The following LRRC8B variants were observed in gnomAD, a reference collection of about 807,000 sequenced individuals.
The protein encoded by LRRC8B is leucine rich repeat containing 8 VRAC subunit B.
A neutral mutation model predicts 58.8 loss-of-function variants in LRRC8B; 23 were observed. That is an observed-to-expected ratio of 0.39 (90% CI 0.28 to 0.55). The LOEUF (loss-of-function observed/expected upper bound fraction) is 0.55. LRRC8B is among the 20% of genes least tolerant of loss of function. The probability of loss-of-function intolerance (pLI) is 0.62; values close to 1 mark genes in which losing one functional copy is unlikely to be tolerated. For synonymous variants in LRRC8B, 359 were observed against 374.1 expected, an observed-to-expected ratio of 0.96 and a Z score of 0.47; for missense variants, 694 against 936.0, an observed-to-expected ratio of 0.74 and a Z score of 3.37.
chr1:89,584,914 A>G, intron 5 of LRRC8B, 125 bp downstream of exon 5: 1 of 643,114 alleles, frequency 1.6e-6, no homozygotes. Flanking sequence ...GATCTTGCAT[A>G]AATTACCAAA....
At chr1:89,565,799 C>T (rs1653001239) in intron 1 of LRRC8B, among the ~76,000 whole-genome samples, 1 of 152,168 alleles carries the variant, frequency 6.6e-6, no homozygotes, top group Non-Finnish European at 1.5e-5. Flanking sequence ...ACTCTGAGCT[C>T]TGGGCAGGCT....
intron 1 of LRRC8B, among the ~76,000 whole-genome samples, chr1:89,560,987 G>GT: frequency 6.7e-6 from 1 of 150,142 alleles, no homozygotes; most frequent in East Asian, 2.0e-4. Flanking sequence ...GGTTGAACTA[G>GT]TTTACAGTCC....
chr1:89,592,000 T>C (rs1274590458), intron 5 of LRRC8B, among the ~76,000 whole-genome samples: 1 of 152,208 alleles, frequency 6.6e-6, no homozygotes, highest in South Asian at 2.1e-4. Context: ...TCTGGAGGTC[T>C]TTCCTCAATA....
intron 5 of LRRC8B, among the ~76,000 whole-genome samples, chr1:89,590,538 C>T (rs1221100094): frequency 6.6e-6 from 1 of 152,220 alleles, no homozygotes; most frequent in Non-Finnish European, 1.5e-5. Flanking sequence ...CCCTGAGGCC[C>T]ACTCCCACTA....
At chr1:89,592,051 G>C (rs1655013445) in intron 5 of LRRC8B, among the ~76,000 whole-genome samples, 1 of 152,118 alleles carries the variant, frequency 6.6e-6, no homozygotes, top group African/African-American at 2.4e-5. Flanking sequence ...CTTAGAAATT[G>C]ACATGCAACC....
chr1:89,592,992 T>A lies in LRRC8B; in HGVS notation c.2361T>A (p.Thr787=), dbSNP rs377556402. The change falls in exon 6 of 6, where the codon ACT becomes ACA. Residue 787 remains threonine (T), a synonymous_variant. Transcript: ENST00000330947. Reference sequence around the variant, plus strand: ...TTGTTGAGGAGAACTTGCTCAATACTCTTCCTCTCCCTGTAACAGAACGTT... The same window carrying A: ...TTGTTGAGGAGAACTTGCTCAATACACTTCCTCTCCCTGTAACAGAACGTT... ...CLIVEENLLN[T]LPLPVTERLQ... is the part of the protein sequence containing the mutation. 1.9e-6 allele frequency: 3 copies of A among 1,613,914 alleles called. No individual in the cohort carries two copies. The highest frequency in any genetic ancestry group is 2.5e-6 in the Non-Finnish European group (3 of 1,179,902).
At position 89,524,984 on chromosome 1, in the gene LRRC8B, C is replaced by T. The variant is rs888695852; in HGVS notation, c.-279C>T. ...CCGCCCGGAGCGGCCCAGGAGCACG[C>T]CGCGGGGAGCGCGGGCGTCCGGGGC... On this transcript the variant is annotated 5_prime_UTR_variant, in exon 1 of 6. Transcript: ENST00000330947. The T allele has an allele frequency of 1.3e-5, 2 of 152,112 alleles. No homozygotes were observed. The highest frequency in any genetic ancestry group is 1.5e-5 in the Non-Finnish European group (1 of 68,022). The allele number at this position is 152,112 out of a possible 1,614,324, so 9.4% of individuals were successfully genotyped here.
At chr1:89,547,070 T>C (rs1407724951) in intron 1 of LRRC8B, among the ~76,000 whole-genome samples, 1 of 152,246 alleles carries the variant, frequency 6.6e-6, no homozygotes, top group Non-Finnish European at 1.5e-5. Context: ...TTTGTTGTTA[T>C]CTATGCTCTT....
intron 1 of LRRC8B, among the ~76,000 whole-genome samples, chr1:89,547,461 A>G (rs1019483499): frequency 2.0e-5 from 3 of 152,138 alleles, no homozygotes; most frequent in African/African-American, 7.2e-5. Flanking sequence ...CACTCTCTCA[A>G]CCTTTGTGTA....
At chr1:89,584,835 T>A (rs376549278) in intron 5 of LRRC8B, 46 bp downstream of exon 5, 1 of 1,317,968 alleles carries the variant, frequency 7.6e-7, no homozygotes, top group East Asian at 2.3e-5. Context: ...GCCGTACTTA[T>A]AGTGCATTAC....
chr1:89,544,759 A>G (rs1406302182), intron 1 of LRRC8B, among the ~76,000 whole-genome samples: 1 of 152,152 alleles, frequency 6.6e-6, no homozygotes, highest in African/African-American at 2.4e-5. Context: ...CCTCAATTAT[A>G]TTGACTTTAA....
chr1:89,543,531 T>C (rs1651176276), intron 1 of LRRC8B, among the ~76,000 whole-genome samples: 1 of 152,134 alleles, frequency 6.6e-6, no homozygotes, highest in Non-Finnish European at 1.5e-5. Flanking sequence ...AGTCTTGCTC[T>C]GTCACCTGGG....
intron 1 of LRRC8B, among the ~76,000 whole-genome samples, chr1:89,537,300 C>T (rs1245482831): frequency 6.6e-6 from 1 of 152,036 alleles, no homozygotes; most frequent in East Asian, 1.9e-4. Context: ...GAGTGTTTCT[C>T]CTGATTATTT....
chr1:89,531,869 T>G (rs552378649), intron 1 of LRRC8B, among the ~76,000 whole-genome samples: 2 of 152,322 alleles, frequency 1.3e-5, no homozygotes, highest in South Asian at 4.1e-4. Context: ...TGTGTGGTGG[T>G]CAGGTTCGCA....
chr1:89,565,958 C>T (rs1476662598), intron 1 of LRRC8B, among the ~76,000 whole-genome samples: 1 of 152,198 alleles, frequency 6.6e-6, no homozygotes, highest in East Asian at 1.9e-4. Flanking sequence ...AGGAAATAGA[C>T]TCATGATATT....
intron 5 of LRRC8B, among the ~76,000 whole-genome samples, chr1:89,587,101 T>C (rs1216386222): frequency 6.6e-6 from 1 of 152,296 alleles, no homozygotes; most frequent in African/African-American, 2.4e-5. Context: ...TTCTCATCTT[T>C]CCCATATAGC....
In LRRC8B at chr1:89,592,854, C is replaced by T. The variant is rs1655072895; in HGVS notation, c.2223C>T (p.Ser741=). The part of the protein sequence containing the change: ...LLGKNSLMNL[S]PHVGELSNLT... ...GGAAAAATAGCTTGATGAATTTGTC[C>T]CCTCATGTGGGTGAGCTGTCAAACC... The change falls in exon 6 of 6, where the codon TCC becomes TCT. Residue 741 remains serine, a synonymous_variant. Transcript: ENST00000330947. 1.2e-6 allele frequency: 2 copies of T among 1,613,656 alleles called. No individual in the cohort carries two copies. The highest frequency in any genetic ancestry group is 1.1e-5 in the South Asian group (1 of 91,070).
intron 1 of LRRC8B, among the ~76,000 whole-genome samples, chr1:89,531,039 A>AT (rs1361673114): frequency 6.6e-6 from 1 of 152,224 alleles, no homozygotes; most frequent in Non-Finnish European, 1.5e-5. Flanking sequence ...GGGTTGAGCC[A>AT]TCAGCCATTG....
chr1:89,558,209 G>A (rs6699344), intron 1 of LRRC8B, among the ~76,000 whole-genome samples: 75,930 of 151,588 alleles, frequency 0.5, 19,331 homozygotes, highest in South Asian at 0.57. Flanking sequence ...CAAGTGATCA[G>A]TGATCACTGT....
Sources: gnomAD v4.1 joint callset for allele counts (sites outside exome capture counted in the v4.1 genomes callset) on GRCh38, gnomAD v4.1.1 for gene constraint, MANE v1.5 for transcripts, NCBI Gene and HGNC (gene_info 2026-07-23, HGNC 2026-07-21) for gene names.